The following FAM174A variants were observed in gnomAD, a reference collection of about 807,000 sequenced individuals.
FAM174A encodes the protein membrane protein FAM174A.
Under a neutral mutation model 14.3 loss-of-function variants are expected in FAM174A, and 14 were observed. The ratio of observed to expected loss-of-function variants is 0.98; its 90% CI spans 0.65 to 1.53. The LOEUF (loss-of-function observed/expected upper bound fraction) is 1.53, where lower values mean the gene tolerates loss of function less well. Among genes scored for constraint, FAM174A ranks in the 40% most tolerant of loss-of-function variants. The pLI, the probability that FAM174A is intolerant of heterozygous loss-of-function variation, is 0.00. For synonymous variants in FAM174A, 108 were observed against 111.4 expected, an observed-to-expected ratio of 0.97 and a Z score of 0.19; for missense variants, 241 against 249.6, an observed-to-expected ratio of 0.97 and a Z score of 0.23.
At chr5:100,582,231 GT>G (rs148505092) in intron 2 of FAM174A, among the ~76,000 whole-genome samples, 73 of 147,086 alleles carry the variant, frequency 5.0e-4, no homozygotes, top group African/African-American at 1.5e-3. Context: ...AGTGTTACAT[GT>G]TTTTTTTTAA....
intron 2 of FAM174A, among the ~76,000 whole-genome samples, chr5:100,562,471 C>G (rs1268270199): frequency 6.6e-6 from 1 of 151,628 alleles, no homozygotes; most frequent in Non-Finnish European, 1.5e-5. Flanking sequence ...AGGGTCGTTA[C>G]ATAGGTAAAC....
chr5:100,555,779 T>C (rs1746364814), intron 1 of FAM174A, among the ~76,000 whole-genome samples: 1 of 146,562 alleles, frequency 6.8e-6, no homozygotes, highest in Non-Finnish European at 1.5e-5. Flanking sequence ...GATGGGGTTG[T>C]TTTTTTCTTT....
intron 2 of FAM174A, among the ~76,000 whole-genome samples, chr5:100,571,445 T>G (rs1247880679): frequency 6.6e-6 from 1 of 151,400 alleles, no homozygotes; most frequent in African/African-American, 2.4e-5. Context: ...TCAAGAAATT[T>G]GTCCATAATA....
At chr5:100,540,122 T>G (rs1746019681) in intron 1 of FAM174A, among the ~76,000 whole-genome samples, 1 of 152,194 alleles carries the variant, frequency 6.6e-6, no homozygotes. Context: ...GCATGTGACT[T>G]TAATCACCAT....
intron 1 of FAM174A, among the ~76,000 whole-genome samples, chr5:100,560,633 A>G (rs1000569076): frequency 6.6e-6 from 1 of 151,966 alleles, no homozygotes; most frequent in Non-Finnish European, 1.5e-5. Flanking sequence ...AATAAGACTC[A>G]ATTATTTGTT....
rs1371109601 is a variant in FAM174A, at chr5:100,562,094, T to C, written c.475T>C (p.Leu159=). The C allele has an allele frequency of 6.3e-7, 1 of 1,587,468 alleles. No individual in the cohort carries two copies. Among genetic ancestry groups the C allele is most frequent in the Non-Finnish European group, 8.6e-7 (1 of 1,167,560 alleles). ...CCGAAAGACTAGGAGATATGGAGTT[T>C]TGGACACTAACATAGAAAATATGGA... The part of the protein sequence containing the change: ...RNRKTRRYGV[L]DTNIENMELT... Residue 159 remains leucine (L), a synonymous_variant, in exon 2 of 3, where the codon TTG becomes CTG. Transcript: ENST00000312637.
intron 2 of FAM174A, among the ~76,000 whole-genome samples, chr5:100,566,134 A>G (rs1390310602): frequency 8.8e-6 from 1 of 113,214 alleles, no homozygotes; most frequent in Non-Finnish European, 1.8e-5. Context: ...ATGAATTTGA[A>G]AAGTATGATA....
chr5:100,570,881 A>G (rs1391645164), intron 2 of FAM174A, among the ~76,000 whole-genome samples: 1 of 151,890 alleles, frequency 6.6e-6, no homozygotes, highest in East Asian at 1.9e-4. Flanking sequence ...CTAGATTGCT[A>G]AGAGTTTTTA....
At chr5:100,574,145 A>G (rs1285284526) in intron 2 of FAM174A, among the ~76,000 whole-genome samples, 1 of 152,122 alleles carries the variant, frequency 6.6e-6, no homozygotes, top group Non-Finnish European at 1.5e-5. Context: ...TAAAGGACAA[A>G]GAAGCATACA....
intron 2 of FAM174A, among the ~76,000 whole-genome samples, chr5:100,573,550 A>G (rs2112397915): frequency 6.6e-6 from 1 of 152,130 alleles, no homozygotes; most frequent in East Asian, 1.9e-4. Context: ...GGAGAACTAC[A>G]AACCACTGCT....
At chr5:100,567,529 T>G (rs976322553) in intron 2 of FAM174A, among the ~76,000 whole-genome samples, 2 of 151,922 alleles carry the variant, frequency 1.3e-5, no homozygotes, top group African/African-American at 2.4e-5. Flanking sequence ...TTTTTAAAAA[T>G]TATTTTTGTC....
chr5:100,582,176 G>A (rs899162098), intron 2 of FAM174A, among the ~76,000 whole-genome samples: 2 of 151,758 alleles, frequency 1.3e-5, no homozygotes, highest in Non-Finnish European at 2.9e-5. Context: ...GTATTATCAT[G>A]GGTTTCAAGC....
chr5:100,543,345 T>G (rs1289273168), intron 1 of FAM174A, among the ~76,000 whole-genome samples: 2 of 152,140 alleles, frequency 1.3e-5, no homozygotes, highest in Non-Finnish European at 2.9e-5. Context: ...CTCGAACTCT[T>G]GAGCTCAAGT....
chr5:100,558,605 T>C (rs955018025), intron 1 of FAM174A, among the ~76,000 whole-genome samples: 1 of 152,200 alleles, frequency 6.6e-6, no homozygotes, highest in Non-Finnish European at 1.5e-5. Flanking sequence ...GGACTTGCTT[T>C]ATGAATCTGG....
rs554054614 is a variant in FAM174A, at chr5:100,541,967, C to G, written c.434+6003C>G. Among the ~76,000 whole-genome samples, 25 of 152,298 alleles carry G rather than the reference C, an allele frequency of 1.6e-4. 1 individual carries two copies. Among genetic ancestry groups the G allele is most frequent in the Middle Eastern group, 3.4e-3 (1 of 294 alleles). ...TGAATTTCTTATTCCATGAACTCTT[C>G]TTCCTAATTAGGACTCTTCTACAAG... On this transcript the variant is annotated intron_variant, in intron 1 of 2. Transcript: ENST00000312637.
chr5:100,544,665 G>T (rs547730873), intron 1 of FAM174A, among the ~76,000 whole-genome samples: 1 of 152,088 alleles, frequency 6.6e-6, no homozygotes, highest in African/African-American at 2.4e-5. Context: ...CTTGTGCAGA[G>T]AAGTCAGTTT....
chr5:100,556,102 C>G (rs1013920576), intron 1 of FAM174A, among the ~76,000 whole-genome samples: 1 of 152,186 alleles, frequency 6.6e-6, no homozygotes, highest in African/African-American at 2.4e-5. Context: ...CTTAATCCAT[C>G]TTGAATTAAT....
At chr5:100,545,193 T>G (rs1746141535) in intron 1 of FAM174A, among the ~76,000 whole-genome samples, 2 of 152,206 alleles carry the variant, frequency 1.3e-5, no homozygotes, top group African/African-American at 4.8e-5. Context: ...TTACTTAGGT[T>G]TGATCTTTTC....
At chr5:100,560,718 A>G (rs151194645) in intron 1 of FAM174A, among the ~76,000 whole-genome samples, 1 of 152,186 alleles carries the variant, frequency 6.6e-6, no homozygotes, top group East Asian at 1.9e-4. Flanking sequence ...AGTTGATGTT[A>G]TAGCCCAAGT....
Sources: allele counts gnomAD v4.1 joint callset (sites outside exome capture counted in the v4.1 genomes callset), GRCh38; gene constraint gnomAD v4.1.1; transcripts MANE v1.5; gene names NCBI Gene and HGNC (gene_info 2026-07-23, HGNC 2026-07-21).